CIROP: variants seen among roughly 807,000 people sequenced by gnomAD.
The protein encoded by CIROP is leishmanolysin homolog.
the CIROP span, chr14:23,099,555 A>AC: frequency 5.7e-6 from 2 of 352,138 alleles, no homozygotes; most frequent in Non-Finnish European, 9.9e-6. Flanking sequence ...AAGCGGCATT[A>AC]CCTTTTTTTT....
chr14:23,103,661 G>T, the CIROP span: 1 of 700,586 alleles, frequency 1.4e-6, no homozygotes, highest in South Asian at 1.5e-5. Flanking sequence ...AAGGAAATTT[G>T]ATTTGAACTT....
At chr14:23,102,402 C>G in the CIROP span, 1 of 702,998 alleles carries the variant, frequency 1.4e-6, no homozygotes, top group South Asian at 1.5e-5. Flanking sequence ...TTTGGCCAGG[C>G]TGAGGCTAAC....
At chr14:23,103,737 C>T in the CIROP span, 2 of 702,882 alleles carry the variant, frequency 2.8e-6, no homozygotes, top group Non-Finnish European at 5.2e-6. Context: ...GTGTTTTGGA[C>T]CCCAGGCCCA....
the CIROP span, chr14:23,102,084 T>C: frequency 1.4e-6 from 1 of 703,002 alleles, no homozygotes; most frequent in South Asian, 1.5e-5. Context: ...GTCTCCCTTA[T>C]TCCTCACCCT....
the CIROP span, chr14:23,100,971 G>T: frequency 2.5e-6 from 1 of 399,126 alleles, no homozygotes. Flanking sequence ...TGGAATAGTG[G>T]ATCTGGGGTT....
chr14:23,103,770 G>C, the CIROP span: 1 of 702,866 alleles, frequency 1.4e-6, no homozygotes, highest in South Asian at 1.5e-5. Context: ...AGTTGTGGGG[G>C]ACCCTGCTCC....
chr14:23,104,739 G>A, the CIROP span: 9 of 703,008 alleles, frequency 1.3e-5, no homozygotes, highest in Admixed American at 4.0e-5. Flanking sequence ...GATTCGTAGG[G>A]GTTGAGGATC....
chr14:23,104,903 CA>C, the CIROP span: 433,003 of 681,782 alleles, frequency 0.64, 143,817 homozygotes, highest in Admixed American at 0.7. Context: ...GCAGCAGCAG[CA>C]GCAGCAGCAG....
chr14:23,103,467 T>A, the CIROP span: 1 of 509,154 alleles, frequency 2.0e-6, no homozygotes, highest in South Asian at 2.8e-5. Context: ...GATGGGAGGA[T>A]CACCTGAGCC....
chr14:23,104,125 T>G, the CIROP span: 1 of 592,564 alleles, frequency 1.7e-6, no homozygotes, highest in Non-Finnish European at 3.0e-6. Flanking sequence ...GATCCTGTCT[T>G]CCGTCCCCTT....
chr14:23,103,004 G>A, the CIROP span: 5 of 575,982 alleles, frequency 8.7e-6, no homozygotes, highest in Non-Finnish European at 1.5e-5. Context: ...CGAGGGGCCT[G>A]TCTTCTGAGT....
chr14:23,104,594 C>A, the CIROP span: 1 of 700,368 alleles, frequency 1.4e-6, no homozygotes, highest in Non-Finnish European at 2.6e-6. Flanking sequence ...TGTTCCCTCA[C>A]TCACCTGCTA....
At chr14:23,101,552 TC>T in the CIROP span, 6 of 666,652 alleles carry the variant, frequency 9.0e-6, no homozygotes, top group Non-Finnish European at 1.6e-5. Flanking sequence ...TTTTCCTTCT[TC>T]CAGCATTCAC....
the CIROP span, chr14:23,103,476 C>T: frequency 2.1e-4 from 114 of 532,166 alleles, no homozygotes; most frequent in African/African-American, 1.8e-3. Flanking sequence ...ATCACCTGAG[C>T]CCAGGAGGTC....
At chr14:23,102,349 C>CTT in the CIROP span, 1 of 702,072 alleles carries the variant, frequency 1.4e-6, no homozygotes, top group Non-Finnish European at 2.6e-6. Flanking sequence ...CTCACCTCTT[C>CTT]TTCCAAGGGA....
At chr14:23,100,431 G>C in the CIROP span, 1 of 412,760 alleles carries the variant, frequency 2.4e-6, no homozygotes, top group Non-Finnish European at 4.4e-6. Flanking sequence ...ACGTGAGTGA[G>C]TGCTTAATAA....
At chr14:23,103,449 GA>G in the CIROP span, 66,292 of 483,604 alleles carry the variant, frequency 0.14, 5,197 homozygotes, top group South Asian at 0.22. Flanking sequence ...AGCTACTCAG[GA>G]GGCTGAGATG....
At chr14:23,103,478 C>G in the CIROP span, 1 of 533,606 alleles carries the variant, frequency 1.9e-6, no homozygotes, top group Middle Eastern at 4.7e-4. Flanking sequence ...CACCTGAGCC[C>G]AGGAGGTCAA....
chr14:23,100,577 G>A, the CIROP span: 1 of 404,848 alleles, frequency 2.5e-6, no homozygotes, highest in Admixed American at 4.4e-5. Context: ...CAGAGTCAGG[G>A]CCTTGTGCAG....
Sources: gnomAD v4.1 joint callset for allele counts on GRCh38, gnomAD v4.1.1 for gene constraint, MANE v1.5 for transcripts, NCBI Gene and HGNC (gene_info 2026-07-23, HGNC 2026-07-21) for gene names.